The following KCNN2 variants were observed in gnomAD, a reference collection of about 807,000 sequenced individuals.
The protein encoded by KCNN2 is potassium calcium-activated channel subfamily N member 2.
Under a neutral mutation model 55.5 loss-of-function variants are expected in KCNN2, and 24 were observed. The ratio of observed to expected loss-of-function variants is 0.43; its 90% CI spans 0.31 to 0.61. The LOEUF (loss-of-function observed/expected upper bound fraction) is 0.61, where lower values mean the gene tolerates loss of function less well. Ranked by LOEUF, KCNN2 falls within the 20% of genes least tolerant of loss-of-function variation. The pLI is 0.08. For missense variants in KCNN2, 754 were observed against 853.6 expected (o/e 0.88, Z 1.45); for synonymous variants, 431 against 336.1 (o/e 1.28, Z -3.09).
intron 1 of KCNN2, among the ~76,000 whole-genome samples, chr5:114,218,592 C>A (rs1355249202): frequency 6.6e-6 from 1 of 152,146 alleles, no homozygotes; most frequent in Non-Finnish European, 1.5e-5. Context: ...GCACAAGGGA[C>A]AGATGAATAG....
chr5:114,227,235 A>C (rs1314915887), intron 2 of KCNN2, among the ~76,000 whole-genome samples: 3 of 152,190 alleles, frequency 2.0e-5, no homozygotes, highest in Non-Finnish European at 4.4e-5. Context: ...CGAATGAAAG[A>C]ATGAAGGAAT....
chr5:114,436,640 T>C (rs189090563), intron 3 of KCNN2, among the ~76,000 whole-genome samples: 1 of 152,350 alleles, frequency 6.6e-6, no homozygotes, highest in East Asian at 1.9e-4. Flanking sequence ...GGACTATGTG[T>C]ATAACATTGA....
chr5:114,446,449 G>A (rs1272821274), intron 3 of KCNN2, among the ~76,000 whole-genome samples: 1 of 151,992 alleles, frequency 6.6e-6, no homozygotes, highest in Non-Finnish European at 1.5e-5. Flanking sequence ...AACATCATAC[G>A]GCTATTTAAT....
chr5:114,292,105 G>A (rs1755902839), intron 2 of KCNN2, among the ~76,000 whole-genome samples: 1 of 152,288 alleles, frequency 6.6e-6, no homozygotes, highest in Non-Finnish European at 1.5e-5. Context: ...TTTGTCAGAT[G>A]AGTAGATTGC....
intron 3 of KCNN2, among the ~76,000 whole-genome samples, chr5:114,405,521 T>C (rs1758904029): frequency 6.6e-6 from 1 of 152,132 alleles, no homozygotes; most frequent in Non-Finnish European, 1.5e-5. Flanking sequence ...AACTTTGCCA[T>C]TTAAGAAAAA....
At chr5:114,277,772 T>C (rs531028845) in intron 2 of KCNN2, among the ~76,000 whole-genome samples, 12 of 152,158 alleles carry the variant, frequency 7.9e-5, no homozygotes, top group Non-Finnish European at 1.8e-4. Flanking sequence ...TGCCTTGTGA[T>C]GGGTTAGAAC....
chr5:114,344,025 T>C (rs1757063629), intron 2 of KCNN2, among the ~76,000 whole-genome samples: 2 of 152,210 alleles, frequency 1.3e-5, no homozygotes, highest in African/African-American at 4.8e-5. Context: ...GCACTGGAAC[T>C]GAAACTAACA....
chr5:114,383,600 C>A (rs1758193503), intron 2 of KCNN2, among the ~76,000 whole-genome samples: 1 of 151,436 alleles, frequency 6.6e-6, no homozygotes, highest in Admixed American at 6.6e-5. Flanking sequence ...TCCCAAGTAG[C>A]TGGGATTACA....
intron 3 of KCNN2, among the ~76,000 whole-genome samples, chr5:114,450,511 T>TA (rs1241645678): frequency 2.0e-5 from 3 of 152,214 alleles, no homozygotes; most frequent in Non-Finnish European, 2.9e-5. Flanking sequence ...AAAACATTGT[T>TA]CTGGATTTTG....
intron 1 of KCNN2, among the ~76,000 whole-genome samples, chr5:114,121,404 AG>A (rs1751828012): frequency 6.6e-6 from 1 of 152,160 alleles, no homozygotes; most frequent in Admixed American, 6.6e-5. Context: ...ATATGTACAC[AG>A]GATGAGCTCA....
intron 2 of KCNN2, among the ~76,000 whole-genome samples, chr5:114,364,770 A>G (rs1301779008): frequency 2.0e-5 from 3 of 152,148 alleles, no homozygotes; most frequent in African/African-American, 7.2e-5. Context: ...TTAAATTAAA[A>G]TAAGTATAGA....
chr5:114,133,371 A>G (rs1320796716), intron 1 of KCNN2, among the ~76,000 whole-genome samples: 1 of 152,184 alleles, frequency 6.6e-6, no homozygotes, highest in Non-Finnish European at 1.5e-5. Flanking sequence ...AATTATAATG[A>G]TAATAGTAGT....
At chr5:114,195,633 T>C (rs915070050) in intron 1 of KCNN2, among the ~76,000 whole-genome samples, 1 of 152,018 alleles carries the variant, frequency 6.6e-6, no homozygotes, top group Non-Finnish European at 1.5e-5. Flanking sequence ...TGAAGAGAGA[T>C]AGTTTTACTT....
chr5:114,288,250 T>C (rs889492400), intron 2 of KCNN2, among the ~76,000 whole-genome samples: 35 of 152,346 alleles, frequency 2.3e-4, no homozygotes, highest in African/African-American at 7.9e-4. Flanking sequence ...ATTTGGGTTG[T>C]TTCTACATTT....
intron 2 of KCNN2, among the ~76,000 whole-genome samples, chr5:114,401,255 A>G (rs1375807821): frequency 6.6e-6 from 1 of 152,202 alleles, no homozygotes; most frequent in Admixed American, 6.5e-5. Context: ...AAAAACAACT[A>G]TGTAATAGAA....
At chr5:114,345,365 T>C (rs576613401) in intron 2 of KCNN2, among the ~76,000 whole-genome samples, 12 of 152,190 alleles carry the variant, frequency 7.9e-5, no homozygotes, top group Non-Finnish European at 1.5e-4. Flanking sequence ...GATAACAGAA[T>C]GGCAATGGAG....
chr5:114,386,181 T>TAAA (rs35485329), intron 2 of KCNN2, among the ~76,000 whole-genome samples: 2 of 100,908 alleles, frequency 2.0e-5, no homozygotes, highest in African/African-American at 8.2e-5. Context: ...AGACTCTGTC[T>TAAA]AAAAAAAAAA....
At chr5:114,284,837 C>A (rs1265624809) in intron 2 of KCNN2, among the ~76,000 whole-genome samples, 1 of 151,956 alleles carries the variant, frequency 6.6e-6, no homozygotes, top group Non-Finnish European at 1.5e-5. Flanking sequence ...CATTTCTGAT[C>A]TTGTTGACCT....
chr5:114,390,969 A>C (rs935559921), intron 2 of KCNN2, among the ~76,000 whole-genome samples: 6 of 152,162 alleles, frequency 3.9e-5, no homozygotes, highest in Non-Finnish European at 7.4e-5. Context: ...TAAGAGCAGC[A>C]TAACATGGAT....
Sources: gnomAD v4.1 joint callset for allele counts (sites outside exome capture counted in the v4.1 genomes callset) on GRCh38, gnomAD v4.1.1 for gene constraint, MANE v1.5 for transcripts, NCBI Gene and HGNC (gene_info 2026-07-23, HGNC 2026-07-21) for gene names.